The following TCERG1 variants were observed in gnomAD, a reference collection of about 807,000 sequenced individuals.
TCERG1 encodes the protein transcription elongation regulator 1.
TCERG1 carries 37 observed loss-of-function variants against 144.7 expected under a neutral mutation model. That is an observed-to-expected ratio of 0.26 (90% CI 0.20 to 0.34). The LOEUF (loss-of-function observed/expected upper bound fraction) is 0.34. TCERG1 is among the 10% of genes least tolerant of loss of function. The pLI, the probability that TCERG1 is intolerant of heterozygous loss-of-function variation, is 1.00. For synonymous variants in TCERG1, 492 were observed against 458.2 expected, an observed-to-expected ratio of 1.07 and a Z score of -0.94; for missense variants, 1,027 against 1,380.7, an observed-to-expected ratio of 0.74 and a Z score of 4.06.
At chr5:146,468,500 T>A in intron 6 of TCERG1, 97 bp downstream of exon 6, 1 of 1,108,890 alleles carries the variant, frequency 9.0e-7, no homozygotes, top group Non-Finnish European at 1.3e-6. Flanking sequence ...CCCAAGTGAG[T>A]GGATATTTTT....
chr5:146,491,096 A>G (rs1766366411), intron 15 of TCERG1, among the ~76,000 whole-genome samples: 2 of 148,950 alleles, frequency 1.3e-5, no homozygotes, highest in African/African-American at 4.9e-5. Flanking sequence ...GTTTCCTTAG[A>G]TGTCTTGTAG....
chr5:146,465,385 T>C (rs1182600354), intron 5 of TCERG1, among the ~76,000 whole-genome samples: 3 of 152,212 alleles, frequency 2.0e-5, no homozygotes, highest in Admixed American at 6.5e-5. Context: ...GAGGTTCTTA[T>C]TAGGACTAAT....
At position 146,459,343 on chromosome 5, in the gene TCERG1, T is replaced by C; in HGVS notation, c.892+6T>C. ...AGTTGCGCAGACAGTATCAAGTGAG[T>C]ACCACTCAGCATGTGTTTTTATATA... On this transcript the variant is annotated splice_donor_region_variant and intron_variant, in intron 4 of 22. Transcript: ENST00000679501. 1 of 1,612,082 alleles carries C rather than the reference T, an allele frequency of 6.2e-7. No homozygotes were observed. Among genetic ancestry groups the C allele is most frequent in the Non-Finnish European group, 8.5e-7 (1 of 1,178,560 alleles).
chr5:146,470,947 C>T (rs1764236700), intron 8 of TCERG1, among the ~76,000 whole-genome samples, 199 bp downstream of exon 8: 1 of 152,150 alleles, frequency 6.6e-6, no homozygotes, highest in Admixed American at 6.5e-5. Context: ...AACTGAGATC[C>T]ATAGAAAGAC....
chr5:146,482,477 C>T, intron 13 of TCERG1, 115 bp from the exon 14 acceptor site: 4 of 1,039,560 alleles, frequency 3.8e-6, no homozygotes, highest in South Asian at 2.3e-5. Flanking sequence ...TTTGTTTTTG[C>T]CAAAAATATG....
chr5:146,450,561 T>C (rs1762263697), intron 1 of TCERG1, among the ~76,000 whole-genome samples: 1 of 152,218 alleles, frequency 6.6e-6, no homozygotes, highest in African/African-American at 2.4e-5. Context: ...ATAACTTAGA[T>C]AGCACTTACA....
chr5:146,487,735 A>C (rs1315256825), intron 15 of TCERG1, among the ~76,000 whole-genome samples: 1 of 90,312 alleles, frequency 1.1e-5, no homozygotes, highest in African/African-American at 4.1e-5. Context: ...CTGTTTCAAA[A>C]AAAAAAAAAA....
At chr5:146,466,020 C>CAAAA (rs57028887) in intron 5 of TCERG1, among the ~76,000 whole-genome samples, 1,179 of 82,018 alleles carry the variant, frequency 0.014, 20 homozygotes, top group African/African-American at 0.045. Flanking sequence ...AACTCTGTCT[C>CAAAA]AAAAAAAAAA....
intron 1 of TCERG1, among the ~76,000 whole-genome samples, chr5:146,452,872 C>T (rs770163653): frequency 6.6e-6 from 1 of 152,034 alleles, no homozygotes; most frequent in Non-Finnish European, 1.5e-5. Flanking sequence ...ATTACAGGCG[C>T]GAGCCACCGT....
intron 6 of TCERG1, 152 bp downstream of exon 6, chr5:146,468,555 T>C: frequency 1.7e-6 from 1 of 595,864 alleles, no homozygotes; most frequent in Non-Finnish European, 2.7e-6. Flanking sequence ...TTGTCATATT[T>C]GGCCAACACT....
chr5:146,483,684 T>A, intron 15 of TCERG1, 55 bp downstream of exon 15: 1 of 1,308,528 alleles, frequency 7.6e-7, no homozygotes, highest in Non-Finnish European at 1.1e-6. Context: ...ACATAGTTTT[T>A]AAATTATAAG....
Position 146,507,169 on chromosome 5 carries a change from A to C in TCERG1, c.2923A>C (p.Arg975=). 6.2e-7 allele frequency: 1 copy of C among 1,607,572 alleles called. No homozygotes were observed. Among genetic ancestry groups the C allele is most frequent in the East Asian group, 2.2e-5 (1 of 44,808 alleles). The part of the protein sequence containing the change: ...EHIEALTKKK[R]EHFRQLLDET... Reference sequence around the variant, plus strand: ...CATTGAAGCACTTACCAAAAAAAAGAGAGAGCACTTTAGGCAACTTCTGGA... The same window carrying C: ...CATTGAAGCACTTACCAAAAAAAAGCGAGAGCACTTTAGGCAACTTCTGGA... Residue 975 remains arginine (R), a synonymous_variant, in exon 20 of 23, where the codon AGA becomes CGA. Transcript: ENST00000679501. This position sits in a 1 kb window ranked among gnomAD's most constrained non-coding sequence, Gnocchi z 4.6.
chr5:146,470,352 T>G (rs1321939990), intron 7 of TCERG1, among the ~76,000 whole-genome samples: 2 of 152,180 alleles, frequency 1.3e-5, no homozygotes, highest in African/African-American at 2.4e-5. Context: ...CTTATCCCTT[T>G]TAGCAAAATG....
intron 1 of TCERG1, among the ~76,000 whole-genome samples, chr5:146,454,213 A>AAAAGG (rs1020397271): frequency 1.4e-4 from 21 of 151,428 alleles, no homozygotes; most frequent in African/African-American, 4.1e-4. Flanking sequence ...AAAAAAAAAG[A>AAAAGG]AAAGAAAAGA....
chr5:146,507,708 GA>G lies in TCERG1; in HGVS notation c.2962-162del, dbSNP rs1400757787. On this transcript the variant is annotated intron_variant, in intron 20 of 22. Coordinates refer to ENST00000679501, the MANE Select transcript of TCERG1 (RefSeq NM_001382548.1). The surrounding 1 kb of genome is among the most constrained non-coding windows in gnomAD (Gnocchi z 4.6). ...AACTCTTGTGGCAAGCCAACAAAAAGAAATTGCATTAACGCTGCTTCCCTGT... is the reference window on the plus strand; with the variant it reads ...AACTCTTGTGGCAAGCCAACAAAAAGAATTGCATTAACGCTGCTTCCCTGT... The G allele has an allele frequency of 2.1e-6, 1 of 472,464 alleles. No homozygotes were observed. Among genetic ancestry groups the G allele is most frequent in the Non-Finnish European group, 3.7e-6 (1 of 271,766 alleles). The allele number at this position is 472,464 out of a possible 1,614,324, so 29.3% of individuals were successfully genotyped here. A position where few individuals can be genotyped will look rare whatever the true frequency, so the allele number is the denominator to read the frequency against.
intron 5 of TCERG1, among the ~76,000 whole-genome samples, chr5:146,465,912 C>T (rs909766229): frequency 5.3e-5 from 8 of 150,706 alleles, no homozygotes; most frequent in Non-Finnish European, 1.2e-4. Flanking sequence ...CCCAGCTACT[C>T]GGGAGGCTGA....
chr5:146,480,507 C>T (rs1420045096), intron 12 of TCERG1: 3 of 157,596 alleles, frequency 1.9e-5, no homozygotes, highest in Non-Finnish European at 4.2e-5. Flanking sequence ...GTCATTAACT[C>T]CTTGGTGAGG....
rs771020232 is a variant in TCERG1, at chr5:146,480,406, A to AG, written c.1886+312_1886+313insG. 1.1e-4 allele frequency: 21 copies of AG among 191,958 alleles called. 2 individuals carry two copies. In the East Asian group the frequency reaches 1.6e-3, roughly 15 times the overall value. 11.9% of individuals were successfully genotyped at this position (191,958 alleles called of 1,614,324 possible). ...AGTTTCCTCCCTCATTTAGACCCCA[A>AG]TGGATACCATTCCAGAGATCTCATA... is the stretch of plus-strand genomic sequence containing the variant. On this transcript the variant is annotated intron_variant, in intron 12 of 22. Transcript: ENST00000679501.
chr5:146,449,873 A>G (rs1202254966), intron 1 of TCERG1, among the ~76,000 whole-genome samples: 3 of 152,190 alleles, frequency 2.0e-5, no homozygotes, highest in African/African-American at 4.8e-5. Context: ...GATACTTGCA[A>G]TCTAAATTTC....
Sources: gnomAD v4.1 joint callset for allele counts (sites outside exome capture counted in the v4.1 genomes callset) on GRCh38, gnomAD v4.1.1 for gene constraint, Gnocchi (gnomAD v3.1) non-coding constraint, MANE v1.5 for transcripts, NCBI Gene and HGNC (gene_info 2026-07-23, HGNC 2026-07-21) for gene names.